MAGI2: variants seen among roughly 807,000 people sequenced by gnomAD.
MAGI2 encodes membrane-associated guanylate kinase, WW and PDZ domain-containing protein 2.
In MAGI2, 35 loss-of-function variants were observed where a neutral mutation model predicts 133.3. That is an observed-to-expected ratio of 0.26 (90% CI 0.20 to 0.35). The LOEUF (loss-of-function observed/expected upper bound fraction) is 0.35, where lower values mean the gene tolerates loss of function less well. Ranked by LOEUF, MAGI2 falls within the 10% of genes least tolerant of loss-of-function variation. The pLI is 1.00. For missense variants in MAGI2, 1,636 were observed against 1,863.4 expected, an observed-to-expected ratio of 0.88 and a Z score of 2.25; for synonymous variants, 729 against 710.6, an observed-to-expected ratio of 1.03 and a Z score of -0.41.
At chr7:78,394,689 G>A (rs900830408) in intron 6 of MAGI2, among the ~76,000 whole-genome samples, 2 of 152,134 alleles carry the variant, frequency 1.3e-5, no homozygotes, top group Non-Finnish European at 2.9e-5. Context: ...AACACTTACA[G>A]GGCAACGGTT....
At chr7:78,222,634 G>A (rs1307027993) in intron 10 of MAGI2, among the ~76,000 whole-genome samples, 1 of 152,156 alleles carries the variant, frequency 6.6e-6, no homozygotes, top group African/African-American at 2.4e-5. Flanking sequence ...ACACAGTAGG[G>A]TTTGAAAATG....
At chr7:78,754,408 A>G (rs1353310665) in intron 2 of MAGI2, among the ~76,000 whole-genome samples, 1 of 151,416 alleles carries the variant, frequency 6.6e-6, no homozygotes, top group African/African-American at 2.4e-5. Context: ...TAAATAAATA[A>G]ATGCTGAAAG....
chr7:79,079,752 A>G (rs975773097), intron 1 of MAGI2, among the ~76,000 whole-genome samples: 1 of 152,136 alleles, frequency 6.6e-6, no homozygotes, highest in Non-Finnish European at 1.5e-5. Flanking sequence ...AACTATAGAT[A>G]CTGACACTTT....
intron 9 of MAGI2, among the ~76,000 whole-genome samples, chr7:78,262,998 G>C (rs564130681): frequency 6.6e-6 from 1 of 152,170 alleles, no homozygotes; most frequent in African/African-American, 2.4e-5. Flanking sequence ...CTGTCTAGTA[G>C]TCCCCAGTGT....
chr7:78,645,111 C>CAT (rs35673298), intron 2 of MAGI2, among the ~76,000 whole-genome samples: 7,524 of 148,324 alleles, frequency 0.051, 273 homozygotes, highest in East Asian at 0.16. Flanking sequence ...TATGTGTGTG[C>CAT]GTGTGTGTGT....
chr7:78,522,878 T>C (rs6963700), intron 3 of MAGI2, among the ~76,000 whole-genome samples: 5,099 of 152,282 alleles, frequency 0.033, 174 homozygotes, highest in African/African-American at 0.079. Flanking sequence ...TACTAAGTTA[T>C]GCACCCAGGC....
At position 79,107,785 on chromosome 7, in the gene MAGI2, C is replaced by T. The variant is rs75009987; in HGVS notation, c.302-100579G>A. 4.2e-3 allele frequency among the ~76,000 whole-genome samples: 633 copies of T among 152,232 alleles called. 6 individuals carry two copies. The highest frequency in any genetic ancestry group is 0.014 in the African/African-American group (592 of 41,532). ...AGTCTAATGTCATTGGTCATCTAGT[C>T]TTTGATTGCTCTTTAACTGGGCACC... is the stretch of plus-strand genomic sequence containing the variant. On this transcript the variant is annotated intron_variant, in intron 1 of 21. Transcript: ENST00000354212.
At position 78,693,286 on chromosome 7, in the gene MAGI2, T is replaced by C. The variant is rs116651346; in HGVS notation, c.419-66047A>G. Among the ~76,000 whole-genome samples the C allele has an allele frequency of 1.4e-3, 211 of 152,300 alleles. 2 individuals carry two copies. The highest frequency in any genetic ancestry group is 4.8e-3 in the African/African-American group (200 of 41,562). Reference sequence around the variant, plus strand: ...TGCTGGGGACAAATCAGGTGCTCAATTGGCATTTACTATTAGTATTGGTGG... The same window carrying C: ...TGCTGGGGACAAATCAGGTGCTCAACTGGCATTTACTATTAGTATTGGTGG... On this transcript the variant is annotated intron_variant, in intron 2 of 21. Transcript: ENST00000354212.
chr7:78,466,788 C>T lies in MAGI2; in HGVS notation c.1045+22973G>A, dbSNP rs553702174. 2.6e-5 allele frequency among the ~76,000 whole-genome samples: 4 copies of T among 152,160 alleles called. No individual in the cohort carries two copies. In the South Asian group the frequency reaches 6.2e-4, roughly 24 times the overall value. On this transcript the variant is annotated intron_variant, in intron 6 of 21. Coordinates refer to ENST00000354212, the MANE Select transcript of MAGI2 (RefSeq NM_012301.4). ...TCCTACAGTGTAGACAAGATCATGG[C>T]ATAGGGTTGCGTGACTGGGCTGCTT...
At chr7:79,211,535 C>A (rs796133545) in intron 1 of MAGI2, among the ~76,000 whole-genome samples, 25 of 151,694 alleles carry the variant, frequency 1.6e-4, no homozygotes, top group African/African-American at 6.1e-4. Context: ...CTCAAGCAAT[C>A]CTCTCACCTT....
chr7:78,725,429 A>G (rs2151210343), intron 2 of MAGI2, among the ~76,000 whole-genome samples: 1 of 152,356 alleles, frequency 6.6e-6, no homozygotes, highest in Non-Finnish European at 1.5e-5. Context: ...CCATCACAGC[A>G]CTGAAAACAC....
At chr7:78,127,475 G>A in intron 18 of MAGI2, 59 bp from the exon 19 acceptor site, 1 of 1,344,740 alleles carries the variant, frequency 7.4e-7, no homozygotes, top group East Asian at 2.3e-5. Context: ...AGGCTAGAGT[G>A]ATCACACGGC....
At chr7:79,149,147 T>TTA (rs201542075) in intron 1 of MAGI2, among the ~76,000 whole-genome samples, 6,296 of 144,110 alleles carry the variant, frequency 0.044, 221 homozygotes, top group African/African-American at 0.089. Context: ...CTTCCTAAAA[T>TTA]TATATATATA....
intron 2 of MAGI2, among the ~76,000 whole-genome samples, chr7:78,803,217 ATTCTACATATG>A (rs1423067066): frequency 1.3e-5 from 2 of 152,148 alleles, no homozygotes; most frequent in Non-Finnish European, 2.9e-5. Context: ...GATGTCAGGA[ATTCTACATATG>A]TTCTACATAA....
chr7:79,242,120 A>C (rs1272898940), intron 1 of MAGI2, among the ~76,000 whole-genome samples: 2 of 152,312 alleles, frequency 1.3e-5, no homozygotes, highest in East Asian at 3.9e-4. Flanking sequence ...GATCTATTGT[A>C]CATTATGGTG....
At chr7:78,154,572 T>C (rs1162467733) in intron 16 of MAGI2, among the ~76,000 whole-genome samples, 1 of 152,218 alleles carries the variant, frequency 6.6e-6, no homozygotes, top group East Asian at 1.9e-4. Flanking sequence ...TGTTATCCTA[T>C]ATCTAAGTTT....
chr7:79,203,786 C>A (rs1456752584), intron 1 of MAGI2, among the ~76,000 whole-genome samples: 1 of 152,054 alleles, frequency 6.6e-6, no homozygotes. Flanking sequence ...CACAAAATAT[C>A]TCCAAGTTCT....
intron 9 of MAGI2, among the ~76,000 whole-genome samples, chr7:78,331,432 C>T (rs537553142): frequency 6.6e-6 from 1 of 152,356 alleles, no homozygotes; most frequent in African/African-American, 2.4e-5. Context: ...ATCTTTGGAT[C>T]TAGCTGTGCT....
chr7:79,182,107 C>T (rs1427256589), intron 1 of MAGI2, among the ~76,000 whole-genome samples: 1 of 152,072 alleles, frequency 6.6e-6, no homozygotes, highest in Non-Finnish European at 1.5e-5. Flanking sequence ...CTGTTCCAAT[C>T]TCTGCCTGTT....
Sources: allele counts gnomAD v4.1 joint callset (sites outside exome capture counted in the v4.1 genomes callset), GRCh38; gene constraint gnomAD v4.1.1; transcripts MANE v1.5; gene names NCBI Gene and HGNC (gene_info 2026-07-23, HGNC 2026-07-21).